KAZN: variants seen among roughly 807,000 people sequenced by gnomAD.
The protein encoded by KAZN is kazrin.
A neutral mutation model predicts 87.4 loss-of-function variants in KAZN; 40 were observed. The observed-to-expected ratio is 0.46, with a 90% CI of 0.36 to 0.60. KAZN has a LOEUF of 0.60. Among genes scored for constraint, KAZN ranks in the 20% least tolerant of loss-of-function variants. The pLI is 0.00. For synonymous variants in KAZN, 466 were observed against 458.3 expected (o/e 1.02, Z -0.22); for missense variants, 898 against 1,073.9 (o/e 0.84, Z 2.29).
At chr1:14,351,397 C>T (rs975910199) in intron 2 of KAZN, among the ~76,000 whole-genome samples, 1 of 152,186 alleles carries the variant, frequency 6.6e-6, no homozygotes. Context: ...AACCCCATCT[C>T]TACTAAAACA....
At chr1:14,226,410 GAAAAACA>G (rs1456443783) in intron 2 of KAZN, among the ~76,000 whole-genome samples, 3 of 151,916 alleles carry the variant, frequency 2.0e-5, no homozygotes, top group Admixed American at 2.0e-4. Context: ...ACTAAAAAGT[GAAAAACA>G]AAAAACAAAA....
intron 1 of KAZN, among the ~76,000 whole-genome samples, chr1:14,069,299 A>G (rs113922444): frequency 0.01 from 1,546 of 152,308 alleles, 8 homozygotes; most frequent in Non-Finnish European, 0.017. Context: ...TAATTATGCA[A>G]TGTGGGTAGC....
intron 1 of KAZN, among the ~76,000 whole-genome samples, chr1:14,673,895 C>G (rs1640065023): frequency 6.6e-6 from 1 of 152,150 alleles, no homozygotes; most frequent in Non-Finnish European, 1.5e-5. Flanking sequence ...GTCCTCAGTC[C>G]TCCTTTGTCA....
intron 2 of KAZN, among the ~76,000 whole-genome samples, chr1:14,456,640 T>C (rs1667582412): frequency 2.0e-5 from 3 of 152,212 alleles, no homozygotes; most frequent in Admixed American, 2.0e-4. Flanking sequence ...TTACATGGTA[T>C]GCAAGCACTG....
intron 1 of KAZN, among the ~76,000 whole-genome samples, chr1:14,872,798 G>A (rs1245974582): frequency 6.6e-6 from 1 of 152,150 alleles, no homozygotes; most frequent in East Asian, 1.9e-4. Flanking sequence ...GTGGATGGAT[G>A]GATGGACGTA....
intron 2 of KAZN, among the ~76,000 whole-genome samples, chr1:14,241,615 T>A (rs56185468): frequency 0.037 from 5,633 of 152,242 alleles, 388 homozygotes; most frequent in African/African-American, 0.13. Context: ...TCCCTACCCA[T>A]GTTTTGGCTT....
intron 1 of KAZN, among the ~76,000 whole-genome samples, chr1:14,004,622 A>G (rs866146912): frequency 6.6e-6 from 1 of 152,194 alleles, no homozygotes; most frequent in African/African-American, 2.4e-5. Flanking sequence ...CTGTTTCTTG[A>G]TCCAGGTGCT....
chr1:14,739,500 A>C (rs77524087), intron 1 of KAZN, among the ~76,000 whole-genome samples: 4,777 of 152,162 alleles, frequency 0.031, 95 homozygotes, highest in South Asian at 0.071. Flanking sequence ...TTTGATGCCC[A>C]AAACTCCTTC....
At chr1:14,204,146 G>GA (rs1646693878) in intron 2 of KAZN, among the ~76,000 whole-genome samples, 1 of 152,196 alleles carries the variant, frequency 6.6e-6, no homozygotes, top group African/African-American at 2.4e-5. Context: ...CCCGTTCTTT[G>GA]AAAATCTTCC....
At chr1:13,897,712 C>T (rs962167298) in intron 1 of KAZN, among the ~76,000 whole-genome samples, 1 of 152,144 alleles carries the variant, frequency 6.6e-6, no homozygotes, top group African/African-American at 2.4e-5. Context: ...AGCCCAACCC[C>T]AAAGGCTGTG....
At chr1:14,019,209 C>A (rs183956158) in intron 1 of KAZN, among the ~76,000 whole-genome samples, 31 of 152,332 alleles carry the variant, frequency 2.0e-4, no homozygotes, top group African/African-American at 7.5e-4. Context: ...TTGAAAAACA[C>A]CATATACCCC....
chr1:14,555,983 T>C (rs1035822256), intron 2 of KAZN, among the ~76,000 whole-genome samples: 1 of 152,216 alleles, frequency 6.6e-6, no homozygotes, highest in African/African-American at 2.4e-5. Flanking sequence ...AGAGCAATGG[T>C]GTGCTTGGTT....
chr1:13,981,095 A>ATATATACATATATATATATATATG (rs1553181091), intron 1 of KAZN, among the ~76,000 whole-genome samples: 2 of 104,244 alleles, frequency 1.9e-5, no homozygotes, highest in African/African-American at 7.8e-5. Context: ...CTCTTTATAT[A>ATATATACATATATATATATATATG]TATATATATA....
At chr1:13,935,279 T>G (rs1452210709) in intron 1 of KAZN, among the ~76,000 whole-genome samples, 2 of 52,294 alleles carry the variant, frequency 3.8e-5, no homozygotes, top group Non-Finnish European at 8.4e-5. Context: ...AAGCCTTCAG[T>G]ACTGACTAAG....
chr1:14,180,444 C>G lies in KAZN; in HGVS notation c.101C>G (p.Ser34Ter), dbSNP rs1033943351. 6.5e-7 allele frequency: 1 copy of G among 1,549,724 alleles called. No homozygotes were observed. The highest frequency in any genetic ancestry group is 8.7e-7 in the Non-Finnish European group (1 of 1,146,652). ...CTTTTTCTTTCCACAGCTGTGCAAT[C>G]ATTGCACACCCTCAATGACCAGATT... The change falls in exon 2 of 17, where the codon TCA (serine) becomes TGA (stop). Residue 34 changes from serine to a stop codon, truncating the protein, a stop_gained. Transcript: ENST00000636203. LOFTEE classifies it high-confidence loss of function.
chr1:13,933,834 A>G (rs1001506221), intron 1 of KAZN, among the ~76,000 whole-genome samples: 1 of 152,226 alleles, frequency 6.6e-6, no homozygotes, highest in East Asian at 1.9e-4. Context: ...CCTAAGCCAC[A>G]TATCTGGTTA....
rs147644499 is a variant in KAZN, at chr1:14,640,848, G to A, written c.226+41625G>A. 5.5e-3 allele frequency among the ~76,000 whole-genome samples: 836 copies of A among 152,208 alleles called. 11 individuals are homozygous for A. Among genetic ancestry groups the A allele is most frequent in the African/African-American group, 0.019 (795 of 41,528 alleles). The stretch of plus-strand genomic sequence containing the variant: ...TCTTGCTTCAGGTCTCAGATTCAGC[G>A]CCTCTCTGTTTGGAAAGGCTTGCTG... On this transcript the variant is annotated intron_variant, in intron 1 of 14. Coordinates refer to ENST00000376030, the MANE Select transcript of KAZN (RefSeq NM_201628.3).
intron 1 of KAZN, among the ~76,000 whole-genome samples, chr1:14,178,496 G>T (rs1646131490): frequency 1.3e-5 from 2 of 152,138 alleles, no homozygotes; most frequent in East Asian, 1.9e-4. Context: ...TTCCATTTCA[G>T]ATTTTGCATT....
At chr1:14,183,985 G>T (rs1317373197) in intron 2 of KAZN, among the ~76,000 whole-genome samples, 1 of 152,102 alleles carries the variant, frequency 6.6e-6, no homozygotes, top group East Asian at 1.9e-4. Flanking sequence ...GGACTAAAAG[G>T]AAGAGCTTGC....
Sources: allele counts gnomAD v4.1 joint callset (sites outside exome capture counted in the v4.1 genomes callset), GRCh38; gene constraint gnomAD v4.1.1; transcripts MANE v1.5; gene names NCBI Gene and HGNC (gene_info 2026-07-23, HGNC 2026-07-21).